KANK2: variants seen among roughly 807,000 people sequenced by gnomAD.
The protein encoded by KANK2 is KN motif and ankyrin repeat domains 2.
In KANK2, 41 loss-of-function variants were observed where a neutral mutation model predicts 74.6. The ratio of observed to expected loss-of-function variants is 0.55; its 90% CI spans 0.43 to 0.71. KANK2 has a LOEUF of 0.71. Among genes scored for constraint, KANK2 ranks in the 30% least tolerant of loss-of-function variants. KANK2 has a pLI of 0.00. For synonymous variants in KANK2, 537 were observed against 519.0 expected, an observed-to-expected ratio of 1.03 and a Z score of -0.47; for missense variants, 1,148 against 1,196.4, an observed-to-expected ratio of 0.96 and a Z score of 0.60.
At chr19:11,182,538 C>CA (rs1194337800) in intron 4 of KANK2, among the ~76,000 whole-genome samples, 6 of 119,098 alleles carry the variant, frequency 5.0e-5, no homozygotes, top group Admixed American at 1.7e-4. Context: ...AAAAAAAAAA[C>CA]AAAAAAACAA....
At chr19:11,180,077 G>A (rs377580545) in intron 4 of KANK2, among the ~76,000 whole-genome samples, 3 of 152,210 alleles carry the variant, frequency 2.0e-5, no homozygotes, top group East Asian at 3.9e-4. Flanking sequence ...GCCCAGGCTG[G>A]TCTTGAACTC....
chr19:11,170,371 C>T lies in KANK2; in HGVS notation c.2212-123G>A. On this transcript the variant is annotated intron_variant, in intron 10 of 12. Coordinates refer to ENST00000586659, the MANE Select transcript of KANK2 (RefSeq NM_001136191.3). This position sits in a 1 kb window ranked among gnomAD's most constrained non-coding sequence, Gnocchi z 5.2. ...TGAAATGTACCCTCAACTTGCTGAT[C>T]TCCTCCTGAATCTCAAACAACCCTC... 1 of 726,350 alleles carries T rather than the reference C, an allele frequency of 1.4e-6. No individual in the cohort carries two copies. The highest frequency in any genetic ancestry group is 1.8e-5 in the South Asian group (1 of 56,034). The allele number at this position is 726,350 out of a possible 1,614,324, so 45.0% of individuals were successfully genotyped here. A position where few individuals can be genotyped will look rare whatever the true frequency, so the allele number is the denominator to read the frequency against.
chr19:11,167,455 C>A (rs1449797139), intron 12 of KANK2, among the ~76,000 whole-genome samples: 1 of 151,990 alleles, frequency 6.6e-6, no homozygotes, highest in Non-Finnish European at 1.5e-5. Context: ...CCTTGACTAT[C>A]TGGGCTCAAG....
At position 11,166,576 on chromosome 19, in the gene KANK2, T is replaced by C. The variant is rs2078027695; in HGVS notation, c.2538A>G (p.Ser846=). Residue 846 remains serine (S), a synonymous_variant, in exon 13 of 13, where the codon TCA becomes TCG. Coordinates refer to ENST00000586659, the MANE Select transcript of KANK2 (RefSeq NM_001136191.3). The part of the protein sequence containing the change: ...APMSDDESPT[S]SSAEE Reference sequence around the variant, plus strand: ...CTCACGGCTACTCTTCTGCCGAGGATGATGTAGGGCTCTCGTCATCTGACA... The same window carrying C: ...CTCACGGCTACTCTTCTGCCGAGGACGATGTAGGGCTCTCGTCATCTGACA... 1.9e-6 allele frequency: 3 copies of C among 1,614,070 alleles called. No individual in the cohort carries two copies. The highest frequency in any genetic ancestry group is 2.7e-5 in the African/African-American group (2 of 74,936).
chr19:11,175,362 A>C (rs2147436264), intron 8 of KANK2, among the ~76,000 whole-genome samples: 1 of 129,440 alleles, frequency 7.7e-6, no homozygotes, highest in South Asian at 2.7e-4. Context: ...TGGGAGGCAG[A>C]GGTTACAGTG....
intron 4 of KANK2, among the ~76,000 whole-genome samples, chr19:11,191,334 C>G (rs577562191): frequency 2.9e-4 from 44 of 152,362 alleles, no homozygotes; most frequent in Admixed American, 1.6e-3. Context: ...CCACTGCGCC[C>G]GGCCCAGCTG....
At chr19:11,195,258 C>T (rs2078984577) in intron 2 of KANK2, 1 of 152,116 alleles carries the variant, frequency 6.6e-6, no homozygotes, top group African/African-American at 2.4e-5. Flanking sequence ...CGTCCGGGCC[C>T]AGGGGCGCAG....
chr19:11,173,264 A>G (rs2078231632), intron 9 of KANK2, 141 bp from the exon 10 acceptor site: 2 of 821,466 alleles, frequency 2.4e-6, no homozygotes, highest in Non-Finnish European at 3.6e-6. Flanking sequence ...TCTGCCCTAG[A>G]GGTCTCCATC....
At chr19:11,171,067 G>A (rs772583085) in intron 10 of KANK2, among the ~76,000 whole-genome samples, 5 of 152,116 alleles carry the variant, frequency 3.3e-5, no homozygotes, top group African/African-American at 4.8e-5. Flanking sequence ...TGATCCGCCC[G>A]CCTAGGTTTA....
At chr19:11,176,951 T>TGAA in intron 6 of KANK2, 134 bp from the exon 7 acceptor site, 2 of 1,051,294 alleles carry the variant, frequency 1.9e-6, no homozygotes, top group Non-Finnish European at 2.6e-6. Flanking sequence ...GTATTGACAT[T>TGAA]CCAGGGTTGT....
At chr19:11,174,117 A>G (rs566849871) in intron 9 of KANK2, among the ~76,000 whole-genome samples, 1 of 149,556 alleles carries the variant, frequency 6.7e-6, no homozygotes, top group Non-Finnish European at 1.5e-5. Flanking sequence ...CCCCACCACA[A>G]TGAACTGGGA....
In KANK2 at chr19:11,168,907, A is replaced by G. The variant is rs533991160; in HGVS notation, c.2502+970T>C. On this transcript the variant is annotated intron_variant, in intron 12 of 12. Coordinates refer to ENST00000586659, the MANE Select transcript of KANK2 (RefSeq NM_001136191.3). ...CATGCACAATCAGCTCTTCATAAAC[A>G]TCCGTCTCCTCTGGCCAGGCACAGT... 1.5e-3 allele frequency among the ~76,000 whole-genome samples: 236 copies of G among 152,278 alleles called. 1 individual carries two copies. The highest frequency in any genetic ancestry group is 1.9e-3 in the Non-Finnish European group (128 of 68,036).
At chr19:11,186,738 A>T (rs772364354) in intron 4 of KANK2, among the ~76,000 whole-genome samples, 4 of 152,120 alleles carry the variant, frequency 2.6e-5, no homozygotes, top group Non-Finnish European at 5.9e-5. Flanking sequence ...AGATAAAGCC[A>T]TATGTTGGTG....
At chr19:11,174,801 A>C in intron 8 of KANK2, 109 bp from the exon 9 acceptor site, 1 of 856,436 alleles carries the variant, frequency 1.2e-6, no homozygotes, top group Admixed American at 2.2e-5. Context: ...TGTCCTGGAA[A>C]ACGATCTCAA....
rs950040775 is a variant in KANK2, at chr19:11,187,842, A to G, written c.1249+4989T>C. Among the ~76,000 whole-genome samples the G allele has an allele frequency of 3.3e-5, 5 of 152,172 alleles. No homozygotes were observed. The East Asian group carries it at 7.7e-4, about 23-fold the overall frequency. Reference sequence around the variant, plus strand: ...GTGGCACACGCCTGCAATCCCAGCTATTTAGGAGGCCGACGTGGAAGGATC... The same window carrying G: ...GTGGCACACGCCTGCAATCCCAGCTGTTTAGGAGGCCGACGTGGAAGGATC... On this transcript the variant is annotated intron_variant, in intron 4 of 12. Transcript: ENST00000586659.
Position 11,164,889 on chromosome 19 carries a change from C to T in KANK2, c.*1669G>A, listed in dbSNP as rs929525473. ...CTAAGGAGAGAAACCAGTGCTTTGCCTTCTTTAATGAACCTGCGAGCTCTC... is the reference window on the plus strand; with the variant it reads ...CTAAGGAGAGAAACCAGTGCTTTGCTTTCTTTAATGAACCTGCGAGCTCTC... On this transcript the variant is annotated 3_prime_UTR_variant, in exon 13 of 13. Transcript: ENST00000586659. 2.6e-5 allele frequency: 4 copies of T among 152,142 alleles called. No individual in the cohort carries two copies. In the East Asian group the frequency reaches 5.8e-4, roughly 22 times the overall value. 9.4% of individuals were successfully genotyped at this position (152,142 alleles called of 1,614,324 possible). A position where few individuals can be genotyped will look rare whatever the true frequency, so the allele number is the denominator to read the frequency against.
At chr19:11,191,490 A>G (rs1485997072) in intron 4 of KANK2, among the ~76,000 whole-genome samples, 1 of 152,200 alleles carries the variant, frequency 6.6e-6, no homozygotes, top group South Asian at 2.1e-4. Context: ...CTCAAAGGCC[A>G]CAGGGCTTGG....
intron 4 of KANK2, among the ~76,000 whole-genome samples, chr19:11,191,659 C>T (rs1410395144): frequency 6.6e-6 from 1 of 152,244 alleles, no homozygotes; most frequent in Middle Eastern, 3.2e-3. Context: ...CTAAACTGGA[C>T]AGACAGATGC....
rs370098562 is a variant in KANK2, at chr19:11,193,103, C to A, written c.977G>T (p.Arg326Leu). 3.1e-6 allele frequency: 5 copies of A among 1,606,004 alleles called. No individual in the cohort carries two copies. Among genetic ancestry groups the A allele is most frequent in the Admixed American group, 3.4e-5 (2 of 59,474 alleles). Residue 326 changes from arginine (R) to leucine (L), a missense_variant, in exon 4 of 13, where the codon CGC becomes CTC. Coordinates refer to ENST00000586659, the MANE Select transcript of KANK2 (RefSeq NM_001136191.3). This position sits in a 1 kb window ranked among gnomAD's most constrained non-coding sequence, Gnocchi z 9.6. ...QAWPPPDSPVRVDTVRVVEGP... is the reference protein window; with the variant it reads ...QAWPPPDSPVLVDTVRVVEGP... ...TTCTACCACCCGGACTGTATCCACG[C>A]GGACCGGGCTGTCCGGCGGTGGCCA...
Sources: gnomAD v4.1 joint callset for allele counts (sites outside exome capture counted in the v4.1 genomes callset) on GRCh38, gnomAD v4.1.1 for gene constraint, Gnocchi (gnomAD v3.1) non-coding constraint, MANE v1.5 for transcripts, NCBI Gene and HGNC (gene_info 2026-07-23, HGNC 2026-07-21) for gene names.